The following CACNA2D1 variants were observed in gnomAD, a reference collection of about 807,000 sequenced individuals.
The protein encoded by CACNA2D1 is calcium voltage-gated channel auxiliary subunit alpha2delta 1, also known as voltage-dependent calcium channel subunit alpha-2/delta-1.
In CACNA2D1, 53 loss-of-function variants were observed where a neutral mutation model predicts 171.5. The observed-to-expected ratio is 0.31, with a 90% CI of 0.25 to 0.39. CACNA2D1 has a LOEUF of 0.39. Among genes scored for constraint, CACNA2D1 ranks in the 10% least tolerant of loss-of-function variants. The pLI, the probability that CACNA2D1 is intolerant of heterozygous loss-of-function variation, is 1.00. For missense variants in CACNA2D1, 903 were observed against 1,299.8 expected (o/e 0.69, Z 4.69); for synonymous variants, 442 against 443.1 (o/e 1.00, Z 0.03).
intron 3 of CACNA2D1, among the ~76,000 whole-genome samples, chr7:82,286,357 C>T (rs1212868064): frequency 2.0e-5 from 3 of 152,090 alleles, no homozygotes; most frequent in African/African-American, 4.8e-5. Flanking sequence ...GAAAAAGAAA[C>T]AGATTTATAA....
At position 82,060,195 on chromosome 7, in the gene CACNA2D1, TA is replaced by T. The variant is rs1301518716; in HGVS notation, c.879+232del. Among the ~76,000 whole-genome samples the T allele has an allele frequency of 1.0e-3, 11 of 10,726 alleles. 3 individuals carry two copies. In the South Asian group the frequency reaches 0.021, roughly 20 times the overall value. The allele number at this position is 10,726 out of a possible 152,430, so 7.0% of individuals were successfully genotyped here. A position where few individuals can be genotyped will look rare whatever the true frequency, so the allele number is the denominator to read the frequency against. The stretch of plus-strand genomic sequence containing the variant: ...ATATATATAATATATATATATTATA[TA>T]TATATTATATATATAATATATATAT... On this transcript the variant is annotated intron_variant, in intron 10 of 38. Coordinates refer to ENST00000356860, the MANE Select transcript of CACNA2D1 (RefSeq NM_000722.4).
At chr7:82,155,355 T>C (rs1323776278) in intron 4 of CACNA2D1, among the ~76,000 whole-genome samples, 1 of 152,078 alleles carries the variant, frequency 6.6e-6, no homozygotes, top group East Asian at 1.9e-4. Context: ...GAAACTGATG[T>C]TCAGGTAGGT....
intron 38 of CACNA2D1, among the ~76,000 whole-genome samples, chr7:81,952,599 G>C (rs191691393): frequency 6.6e-6 from 1 of 151,986 alleles, no homozygotes; most frequent in East Asian, 1.9e-4. Context: ...TGTACCTTTG[G>C]CTAATGTACT....
intron 38 of CACNA2D1, among the ~76,000 whole-genome samples, chr7:81,957,759 G>C (rs1793588741): frequency 6.6e-6 from 1 of 152,138 alleles, no homozygotes; most frequent in Non-Finnish European, 1.5e-5. Flanking sequence ...CTGAGCAACA[G>C]TTGTACTTTC....
intron 1 of CACNA2D1, among the ~76,000 whole-genome samples, chr7:82,373,339 G>A (rs2129448487): frequency 6.6e-6 from 1 of 152,202 alleles, no homozygotes; most frequent in Admixed American, 6.5e-5. Context: ...ATAGTAATAT[G>A]TTTCTCATCC....
intron 3 of CACNA2D1, among the ~76,000 whole-genome samples, chr7:82,182,548 G>A (rs1797233782): frequency 6.6e-6 from 1 of 150,862 alleles, no homozygotes; most frequent in Non-Finnish European, 1.5e-5. Flanking sequence ...ATTATTTTTG[G>A]TACTTTTTTC....
chr7:82,168,364 G>C (rs1247154321), intron 4 of CACNA2D1, among the ~76,000 whole-genome samples: 1 of 152,068 alleles, frequency 6.6e-6, no homozygotes, highest in Non-Finnish European at 1.5e-5. Flanking sequence ...GGCTGGTTTT[G>C]AACTTCTGGC....
At chr7:82,009,295 T>C (rs895024412) in intron 15 of CACNA2D1, 5 of 152,044 alleles carry the variant, frequency 3.3e-5, no homozygotes, top group Admixed American at 2.6e-4. Flanking sequence ...CTTTATAAAG[T>C]ACTCAGTCTT....
chr7:82,130,891 G>T (rs1379042098), intron 5 of CACNA2D1, among the ~76,000 whole-genome samples: 1 of 149,668 alleles, frequency 6.7e-6, no homozygotes, highest in Non-Finnish European at 1.5e-5. Flanking sequence ...CCACCTCCCG[G>T]GTTCACGCTA....
At position 82,086,897 on chromosome 7, in the gene CACNA2D1, G is replaced by A. The variant is rs77168145; in HGVS notation, c.527-1997C>T. ...TGTGAATTATACTTTTATAAACTGA[G>A]GGAAAAAGTCAAGCTCTACAATATT... On this transcript the variant is annotated intron_variant, in intron 6 of 38. Coordinates refer to ENST00000356860, the MANE Select transcript of CACNA2D1 (RefSeq NM_000722.4). Among the ~76,000 whole-genome samples the A allele has an allele frequency of 1.6e-3, 250 of 152,152 alleles. 3 individuals carry two copies. The East Asian group carries it at 0.019, about 11-fold the overall frequency.
chr7:82,183,051 A>T (rs1797315508), intron 3 of CACNA2D1, among the ~76,000 whole-genome samples: 1 of 151,922 alleles, frequency 6.6e-6, no homozygotes, highest in African/African-American at 2.4e-5. Flanking sequence ...AAAAAAAAAA[A>T]AAGTGAGGCG....
At chr7:82,428,092 AAAATAAAAAAT>A (rs200983914) in intron 1 of CACNA2D1, among the ~76,000 whole-genome samples, 8,859 of 147,004 alleles carry the variant, frequency 0.06, 864 homozygotes, top group African/African-American at 0.22. Flanking sequence ...TGTCTTTAAA[AAAATAAAAAAT>A]AAATAAAAAA....
intron 3 of CACNA2D1, among the ~76,000 whole-genome samples, chr7:82,334,357 G>A (rs1337895367): frequency 6.6e-6 from 1 of 152,102 alleles, no homozygotes; most frequent in South Asian, 2.1e-4. Flanking sequence ...TTACACATAA[G>A]TACTAGGAGA....
At chr7:82,388,062 C>CAA (rs772179078) in intron 1 of CACNA2D1, among the ~76,000 whole-genome samples, 23 of 79,208 alleles carry the variant, frequency 2.9e-4, no homozygotes, top group Admixed American at 1.1e-3. Context: ...ACCCTGTCTC[C>CAA]AAAAAAAAAA....
chr7:81,991,105 C>T, intron 21 of CACNA2D1, 80 bp downstream of exon 21: 1 of 768,672 alleles, frequency 1.3e-6, no homozygotes, highest in Non-Finnish European at 2.4e-6. Context: ...GTGAAAATCA[C>T]ATGAAAATTC....
At chr7:82,105,349 A>G (rs1457167945) in intron 6 of CACNA2D1, among the ~76,000 whole-genome samples, 1 of 150,610 alleles carries the variant, frequency 6.6e-6, no homozygotes, top group Non-Finnish European at 1.5e-5. Flanking sequence ...ATCACAAATG[A>G]GAAAATGTTG....
intron 3 of CACNA2D1, among the ~76,000 whole-genome samples, chr7:82,193,709 G>A (rs1016906765): frequency 2.0e-5 from 3 of 152,022 alleles, no homozygotes; most frequent in East Asian, 1.9e-4. Context: ...CCCAACAAGC[G>A]AAATTCAGTA....
chr7:82,039,945 T>C (rs1803740848), intron 10 of CACNA2D1, among the ~76,000 whole-genome samples: 1 of 152,216 alleles, frequency 6.6e-6, no homozygotes, highest in African/African-American at 2.4e-5. Context: ...GATGATTTTA[T>C]TTTCTGTGAA....
At chr7:82,092,714 G>C (rs1811351979) in intron 6 of CACNA2D1, among the ~76,000 whole-genome samples, 1 of 151,582 alleles carries the variant, frequency 6.6e-6, no homozygotes, top group African/African-American at 2.4e-5. Context: ...ATTTTTATGA[G>C]AAATTTTAGT....
Sources: gnomAD v4.1 joint callset for allele counts (sites outside exome capture counted in the v4.1 genomes callset) on GRCh38, gnomAD v4.1.1 for gene constraint, MANE v1.5 for transcripts, NCBI Gene and HGNC (gene_info 2026-07-23, HGNC 2026-07-21) for gene names.